The following LARP4B variants were observed in gnomAD, a reference collection of about 807,000 sequenced individuals.
LARP4B encodes the protein La ribonucleoprotein 4B.
Under a neutral mutation model 89.8 loss-of-function variants are expected in LARP4B, and 12 were observed. That is an observed-to-expected ratio of 0.13 (90% CI 0.09 to 0.22). The LOEUF (loss-of-function observed/expected upper bound fraction) is 0.22. Among genes scored for constraint, LARP4B ranks in the 10% least tolerant of loss-of-function variants. The pLI is 1.00. For missense variants in LARP4B, 757 were observed against 947.7 expected (o/e 0.80, Z 2.64); for synonymous variants, 367 against 363.3 (o/e 1.01, Z -0.12).
chr10:904,606 G>GAAATA (rs1231319269), intron 1 of LARP4B, among the ~76,000 whole-genome samples: 2 of 151,826 alleles, frequency 1.3e-5, no homozygotes, highest in African/African-American at 2.4e-5. Context: ...TAAATAAAAT[G>GAAATA]AAATAAAATA....
chr10:906,825 T>C (rs1056691712), intron 1 of LARP4B, among the ~76,000 whole-genome samples: 1 of 152,246 alleles, frequency 6.6e-6, no homozygotes, highest in Non-Finnish European at 1.5e-5. Flanking sequence ...CAGCTTTAAC[T>C]TCTGCTCAAG....
chr10:905,753 CCTGGCCTCCTG>C (rs879806955), intron 1 of LARP4B, among the ~76,000 whole-genome samples: 1 of 152,136 alleles, frequency 6.6e-6, no homozygotes, highest in Non-Finnish European at 1.5e-5. Flanking sequence ...TGGACGTCCT[CCTGGCCTCCTG>C]CTGAAGAGGC....
At chr10:984,848 C>T in the LARP4B span, among the ~76,000 whole-genome samples, 1 of 152,160 alleles carries the variant, frequency 6.6e-6, no homozygotes, top group Non-Finnish European at 1.5e-5. Flanking sequence ...CTGAGAATTG[C>T]TTAAACCTGG....
chr10:835,419 T>G (rs1279333481), intron 8 of LARP4B, among the ~76,000 whole-genome samples: 1 of 152,152 alleles, frequency 6.6e-6, no homozygotes, highest in Non-Finnish European at 1.5e-5. Flanking sequence ...GCTGAAATCA[T>G]GTGAGAGATG....
chr10:897,750 G>A (rs1393516009), intron 1 of LARP4B, among the ~76,000 whole-genome samples: 1 of 152,032 alleles, frequency 6.6e-6, no homozygotes, highest in African/African-American at 2.4e-5. Flanking sequence ...CACTTTCCGA[G>A]GCCGAAGCAG....
the LARP4B span, among the ~76,000 whole-genome samples, chr10:961,718 A>G: frequency 6.6e-6 from 1 of 152,146 alleles, no homozygotes; most frequent in African/African-American, 2.4e-5. Flanking sequence ...GACGAGAGAG[A>G]GGGGGCAGGC....
At chr10:824,939 T>C in intron 13 of LARP4B, 126 bp downstream of exon 13, 5 of 988,776 alleles carry the variant, frequency 5.1e-6, no homozygotes, top group Non-Finnish European at 7.1e-6. Context: ...TATAAAACCC[T>C]TATGTTTATA....
the LARP4B span, among the ~76,000 whole-genome samples, chr10:959,009 G>C: frequency 1.1e-4 from 16 of 152,338 alleles, no homozygotes; most frequent in African/African-American, 3.8e-4. Flanking sequence ...TCTCTGGGCA[G>C]AGGAAGGACG....
chr10:987,400 T>C, the LARP4B span: 1 of 152,168 alleles, frequency 6.6e-6, no homozygotes, highest in East Asian at 1.9e-4. Flanking sequence ...GTGGGGGGCA[T>C]CCCAGATGCG....
At chr10:950,009 C>G in the LARP4B span, among the ~76,000 whole-genome samples, 1 of 152,128 alleles carries the variant, frequency 6.6e-6, no homozygotes, top group East Asian at 1.9e-4. Context: ...CTCCTGGGCT[C>G]AAGCAATCCA....
intron 3 of LARP4B, among the ~76,000 whole-genome samples, chr10:882,631 T>G (rs1835717080): frequency 6.6e-6 from 1 of 152,180 alleles, no homozygotes; most frequent in Non-Finnish European, 1.5e-5. Context: ...ACCATATTCT[T>G]ACAGTCTAAT....
the LARP4B span, among the ~76,000 whole-genome samples, chr10:980,250 C>A: frequency 3.3e-5 from 5 of 152,184 alleles, no homozygotes; most frequent in African/African-American, 4.8e-5. Context: ...GAGTTGAATG[C>A]TTGTGGCTTT....
At chr10:885,504 C>T (rs1835828313) in intron 2 of LARP4B, 137 bp downstream of exon 2, 1 of 546,478 alleles carries the variant, frequency 1.8e-6, no homozygotes, top group Non-Finnish European at 3.2e-6. Context: ...CTTTTCTCCC[C>T]TACGAGACTC....
Position 822,949 on chromosome 10 carries a change from G to A in LARP4B, c.1485-2104C>T, listed in dbSNP as rs910839984. On this transcript the variant is annotated intron_variant, in intron 13 of 17. Coordinates refer to ENST00000316157, the MANE Select transcript of LARP4B (RefSeq NM_015155.3). The surrounding 1 kb of genome is among the most constrained non-coding windows in gnomAD (Gnocchi z 4.6). ...GACATCTTAGCACTTTGGTCCAATA[G>A]AGAAAGTTAATGGAAACAAAACAAA... Among the ~76,000 whole-genome samples, 2 of 152,196 alleles carry A rather than the reference G, an allele frequency of 1.3e-5. No individual in the cohort carries two copies. The highest frequency in any genetic ancestry group is 6.5e-5 in the Admixed American group (1 of 15,276).
In LARP4B at chr10:809,620, A is replaced by G. The variant is rs575771398; in HGVS notation, c.*3306T>C. The stretch of plus-strand genomic sequence containing the variant: ...ACAGTTTTACACTGAATGACACAAA[A>G]GGAAACTTAAATTACCAATAGTTTA... On this transcript the variant is annotated 3_prime_UTR_variant, in exon 18 of 18. Transcript: ENST00000316157. 1 of 152,802 alleles carries G rather than the reference A, an allele frequency of 6.5e-6. No homozygotes were observed. The highest frequency in any genetic ancestry group is 2.4e-5 in the African/African-American group (1 of 41,600). The allele number at this position is 152,802 out of a possible 1,614,324, so 9.5% of individuals were successfully genotyped here.
the LARP4B span, among the ~76,000 whole-genome samples, chr10:964,228 G>T: frequency 1.6e-4 from 25 of 152,158 alleles, no homozygotes; most frequent in African/African-American, 6.0e-4. Flanking sequence ...CACCACGCCT[G>T]GCTAATTTTT....
chr10:892,543 A>C (rs1836062391), intron 1 of LARP4B, among the ~76,000 whole-genome samples: 2 of 151,940 alleles, frequency 1.3e-5, no homozygotes, highest in Non-Finnish European at 2.9e-5. Context: ...AATTATCGTT[A>C]ATTTTTTTTT....
chr10:825,019 A>G (rs778817653), intron 13 of LARP4B, 46 bp downstream of exon 13: 3 of 1,504,720 alleles, frequency 2.0e-6, no homozygotes, highest in Non-Finnish European at 2.7e-6. Context: ...AATAATTTTT[A>G]AAATATTAGT....
At chr10:921,048 C>T (rs182301114) in intron 1 of LARP4B, among the ~76,000 whole-genome samples, 2 of 152,050 alleles carry the variant, frequency 1.3e-5, no homozygotes, top group Non-Finnish European at 2.9e-5. Context: ...CCAAGGCAGG[C>T]GGATCACCTG....
Sources: allele counts gnomAD v4.1 joint callset (sites outside exome capture counted in the v4.1 genomes callset), GRCh38; gene constraint gnomAD v4.1.1; non-coding constraint Gnocchi (gnomAD v3.1); transcripts MANE v1.5; gene names NCBI Gene and HGNC (gene_info 2026-07-23, HGNC 2026-07-21).